The following AS3MT variants were observed in gnomAD, a reference collection of about 807,000 sequenced individuals.
AS3MT encodes the protein S-adenosyl-L-methionine:arsenic(III) methyltransferase.
AS3MT carries 47 observed loss-of-function variants against 45.3 expected under a neutral mutation model. The ratio of observed to expected loss-of-function variants is 1.04; its 90% CI spans 0.82 to 1.32. The LOEUF is 1.32. Ranked by LOEUF, AS3MT falls within the 40% of genes most tolerant of loss-of-function variation. The probability of loss-of-function intolerance (pLI) is 0.00; values close to 1 mark genes in which losing one functional copy is unlikely to be tolerated. For missense variants in AS3MT, 396 were observed against 451.1 expected (o/e 0.88, Z 1.11); for synonymous variants, 141 against 152.8 (o/e 0.92, Z 0.57).
rs182365639 is a variant in AS3MT at position 102,900,660 on chromosome 10, A to T, written c.1088A>T (p.Asp363Val). The T allele has an allele frequency of 8.0e-5, 129 of 1,614,192 alleles. 1 individual carries two copies. In the African/African-American group the frequency reaches 1.5e-3, roughly 19 times the overall value. The change falls in exon 11 of 11, where the codon GAT (aspartate) becomes GTT (valine). Residue 363 changes from aspartate to valine, a missense_variant. Transcript: ENST00000369880. ...AGTATGAAGTCCAGATGTGTCCCTG[A>T]TGCTGCTGGAGGCTGCTGTGGCACA... The part of the protein sequence containing the change: ...SDSMKSRCVP[D>V]AAGGCCGTKK...
At chr10:102,869,952 G>T in intron 2 of AS3MT, 107 bp downstream of exon 2, 1 of 1,566,990 alleles carries the variant, frequency 6.4e-7, no homozygotes, top group Non-Finnish European at 8.7e-7. Flanking sequence ...GGTAGGGCAG[G>T]GTCTAGGCTT....
chr10:102,884,887 G>A (rs1257576247), intron 9 of AS3MT, among the ~76,000 whole-genome samples: 1 of 151,826 alleles, frequency 6.6e-6, no homozygotes, highest in African/African-American at 2.4e-5. Flanking sequence ...ATACTTTCAG[G>A]GCACATCTGA....
At chr10:102,889,878 ATATT>A (rs1845039510) in intron 9 of AS3MT, among the ~76,000 whole-genome samples, 1 of 151,742 alleles carries the variant, frequency 6.6e-6, no homozygotes, top group Non-Finnish European at 1.5e-5. Context: ...GGGTTTTACC[ATATT>A]GGCCAGGCTG....
In AS3MT at chr10:102,874,628, A is replaced by T; in HGVS notation, c.495A>T (p.Gln165His). ...TTATTAACCTTGTGCCTGATAAACAACAAGTGCTTCAGGAGGCATATCGGG... is the reference window on the plus strand; with the variant it reads ...TTATTAACCTTGTGCCTGATAAACATCAAGTGCTTCAGGAGGCATATCGGG... Reference protein sequence around the residue: ...NCVINLVPDKQQVLQEAYRVL... With the variant: ...NCVINLVPDKHQVLQEAYRVL... The change falls in exon 6 of 11, where the codon CAA becomes CAT. Residue 165 changes from glutamine to histidine, a missense_variant. By Grantham distance (24) the Gln-to-His change is conservative (BLOSUM62 0). Transcript: ENST00000369880. The T allele has an allele frequency of 6.2e-7, 1 of 1,610,486 alleles. No individual in the cohort carries two copies.
intron 10 of AS3MT, among the ~76,000 whole-genome samples, chr10:102,900,095 T>C (rs11191453): frequency 0.094 from 14,381 of 152,250 alleles, 882 homozygotes; most frequent in East Asian, 0.28. Flanking sequence ...TTTAAATAAA[T>C]ACAGCAGTCT....
At chr10:102,869,902 G>T in intron 2 of AS3MT, 57 bp downstream of exon 2, 1 of 1,606,574 alleles carries the variant, frequency 6.2e-7, no homozygotes, top group South Asian at 1.1e-5. Flanking sequence ...TGGAAGTCTG[G>T]CCTGGCCCGC....
chr10:102,896,092 G>C (rs547919847), intron 10 of AS3MT, among the ~76,000 whole-genome samples: 1 of 151,784 alleles, frequency 6.6e-6, no homozygotes, highest in Non-Finnish European at 1.5e-5. Context: ...AGCACTTTGG[G>C]AGGCTGAGGC....
At chr10:102,888,877 A>T (rs200603588) in intron 9 of AS3MT, among the ~76,000 whole-genome samples, 11,043 of 47,408 alleles carry the variant, frequency 0.23, 1,033 homozygotes, top group East Asian at 0.39. Context: ...ATATATATAT[A>T]TATATTTTTT....
chr10:102,875,920 AT>A (rs202218534), intron 6 of AS3MT, among the ~76,000 whole-genome samples: 2 of 151,860 alleles, frequency 1.3e-5, no homozygotes, highest in South Asian at 2.1e-4. Context: ...CCTGGCCAAA[AT>A]TTTTTTTTAA....
intron 9 of AS3MT, among the ~76,000 whole-genome samples, chr10:102,883,098 A>G (rs1322560643): frequency 7.2e-6 from 1 of 139,184 alleles, no homozygotes; most frequent in East Asian, 2.5e-4. Flanking sequence ...ATATATATAT[A>G]TATATGGTTT....
intron 8 of AS3MT, among the ~76,000 whole-genome samples, 154 bp from the exon 9 acceptor site, chr10:102,878,695 A>G (rs867921517): frequency 9.9e-5 from 15 of 152,232 alleles, no homozygotes; most frequent in Admixed American, 7.2e-4. Flanking sequence ...AGCACTTTGA[A>G]GTCATTCAGT....
chr10:102,875,476 CAAAA>C (rs35877885), intron 6 of AS3MT, among the ~76,000 whole-genome samples: 2 of 39,664 alleles, frequency 5.0e-5, no homozygotes, highest in Admixed American at 2.9e-4. Flanking sequence ...GACTCCATCT[CAAAA>C]AAAAAAAAAA....
intron 10 of AS3MT, among the ~76,000 whole-genome samples, 194 bp downstream of exon 10, chr10:102,890,872 C>T (rs112649190): frequency 0.015 from 2,297 of 152,110 alleles, 61 homozygotes; most frequent in African/African-American, 0.052. Flanking sequence ...CCACCACGCC[C>T]GGCTAATTTT....
chr10:102,889,279 C>CT (rs1195798421), intron 9 of AS3MT, among the ~76,000 whole-genome samples: 1 of 152,122 alleles, frequency 6.6e-6, no homozygotes, highest in Non-Finnish European at 1.5e-5. Flanking sequence ...AATATACTCT[C>CT]TATCTTAATG....
intron 10 of AS3MT, among the ~76,000 whole-genome samples, chr10:102,899,245 C>G (rs1229097478): frequency 6.6e-6 from 1 of 152,138 alleles, no homozygotes; most frequent in Admixed American, 6.5e-5. Context: ...ACTGCCTTGG[C>G]CTCCCAGAGT....
chr10:102,893,028 A>ATAAATAAT (rs1845099490), intron 10 of AS3MT, among the ~76,000 whole-genome samples: 2 of 146,114 alleles, frequency 1.4e-5, no homozygotes, highest in Non-Finnish European at 3.0e-5. Flanking sequence ...AAATAAATAA[A>ATAAATAAT]TAATTTTAGA....
intron 9 of AS3MT, among the ~76,000 whole-genome samples, chr10:102,887,453 A>G (rs1242549537): frequency 1.3e-5 from 2 of 152,110 alleles, no homozygotes; most frequent in African/African-American, 4.8e-5. Context: ...ATTACAGTAT[A>G]TCTCTTCTTT....
rs1844720625 is a variant in AS3MT at position 102,873,082 on chromosome 10, T to C, written c.322-15T>C. On this transcript the variant is annotated splice_polypyrimidine_tract_variant and intron_variant, in intron 4 of 10. Coordinates refer to ENST00000369880, the MANE Select transcript of AS3MT (RefSeq NM_020682.4). ...TTTTCAAAATGTTATCAAAACTATA[T>C]TTTTCTTACTTTAGGTGGAAGTGGC... 1.9e-5 allele frequency: 29 copies of C among 1,556,270 alleles called. No homozygotes were observed. In the East Asian group the frequency reaches 6.5e-4, roughly 35 times the overall value.
chr10:102,879,089 G>A, intron 9 of AS3MT, 98 bp downstream of exon 9: 1 of 1,354,330 alleles, frequency 7.4e-7, no homozygotes, highest in South Asian at 1.4e-5. Context: ...CATTTTTCTG[G>A]TGTTGGTTTG....
Sources: gnomAD v4.1 joint callset for allele counts (sites outside exome capture counted in the v4.1 genomes callset) on GRCh38, gnomAD v4.1.1 for gene constraint, MANE v1.5 for transcripts, NCBI Gene and HGNC (gene_info 2026-07-23, HGNC 2026-07-21) for gene names.